ARL8B: variants seen among roughly 807,000 people sequenced by gnomAD.
ARL8B encodes ADP-ribosylation factor-like protein 8B.
A neutral mutation model predicts 30.6 loss-of-function variants in ARL8B; 9 were observed. That is an observed-to-expected ratio of 0.29 (90% CI 0.18 to 0.51). The LOEUF (loss-of-function observed/expected upper bound fraction) is 0.51. Ranked by LOEUF, ARL8B falls within the 20% of genes least tolerant of loss-of-function variation. The pLI, the probability that ARL8B is intolerant of heterozygous loss-of-function variation, is 0.97. For synonymous variants in ARL8B, 74 were observed against 76.0 expected, an observed-to-expected ratio of 0.97 and a Z score of 0.14; for missense variants, 130 against 227.2, an observed-to-expected ratio of 0.57 and a Z score of 2.75.
intron 1 of ARL8B, among the ~76,000 whole-genome samples, chr3:5,152,754 G>T (rs76714729): frequency 0.077 from 11,788 of 152,210 alleles, 707 homozygotes; most frequent in African/African-American, 0.15. Flanking sequence ...TGAAAGTGCT[G>T]GAATTACAGG....
chr3:5,156,016 C>T (rs1198083744), intron 1 of ARL8B, among the ~76,000 whole-genome samples: 1 of 151,956 alleles, frequency 6.6e-6, no homozygotes, highest in Non-Finnish European at 1.5e-5. Context: ...GATTCTTGAG[C>T]CTCAGCACCC....
chr3:5,127,697 C>A (rs2054241836), intron 1 of ARL8B, among the ~76,000 whole-genome samples: 1 of 151,816 alleles, frequency 6.6e-6, no homozygotes. Flanking sequence ...TGCGGTGAAA[C>A]CCCGTCTCTA....
intron 2 of ARL8B, 156 bp downstream of exon 2, chr3:5,170,739 T>G (rs951940381): frequency 1.3e-5 from 6 of 463,804 alleles, no homozygotes; most frequent in African/African-American, 2.2e-5. Flanking sequence ...TGTTTTTTTG[T>G]TTTTTTTTTG....
chr3:5,123,079 G>C (rs1471404881), intron 1 of ARL8B, among the ~76,000 whole-genome samples: 1 of 152,184 alleles, frequency 6.6e-6, no homozygotes, highest in Non-Finnish European at 1.5e-5. Context: ...CGGGAGACCA[G>C]TGTGAGCGCC....
chr3:5,132,261 A>AT (rs972133511), intron 1 of ARL8B, among the ~76,000 whole-genome samples: 127 of 146,136 alleles, frequency 8.7e-4, no homozygotes, highest in Non-Finnish European at 1.5e-3. Context: ...CATCATTATT[A>AT]TTTTTTTTTT....
chr3:5,126,158 G>C (rs1450776536), intron 1 of ARL8B, among the ~76,000 whole-genome samples: 1 of 151,010 alleles, frequency 6.6e-6, no homozygotes, highest in Non-Finnish European at 1.5e-5. Flanking sequence ...CCTAACCCCT[G>C]ATTCTTATAG....
intron 1 of ARL8B, among the ~76,000 whole-genome samples, 187 bp from the exon 2 acceptor site, chr3:5,170,316 T>G (rs2054661441): frequency 6.6e-6 from 1 of 152,242 alleles, no homozygotes; most frequent in East Asian, 1.9e-4. Flanking sequence ...AGAATATATC[T>G]TTGTTGGGAC....
At chr3:5,133,731 C>T (rs962012703) in intron 1 of ARL8B, among the ~76,000 whole-genome samples, 17 of 151,918 alleles carry the variant, frequency 1.1e-4, no homozygotes, top group African/African-American at 4.1e-4. Flanking sequence ...AGTTCAAGGC[C>T]AGCTTAGGCA....
intron 1 of ARL8B, among the ~76,000 whole-genome samples, chr3:5,137,465 TCTCA>T (rs2054337609): frequency 1.4e-5 from 2 of 139,272 alleles, no homozygotes; most frequent in Admixed American, 1.5e-4. Flanking sequence ...TGAGATGGAG[TCTCA>T]CTCTATCACC....
chr3:5,166,604 C>T (rs1242467275), intron 1 of ARL8B, among the ~76,000 whole-genome samples: 2 of 152,164 alleles, frequency 1.3e-5, no homozygotes, highest in Non-Finnish European at 2.9e-5. Flanking sequence ...TCCCAAAGTG[C>T]TGGGATTACA....
chr3:5,134,107 A>AG (rs11445899), intron 1 of ARL8B, among the ~76,000 whole-genome samples: 58,840 of 152,078 alleles, frequency 0.39, 12,106 homozygotes, highest in African/African-American at 0.55. Context: ...CTTCAGGAGT[A>AG]TAAGAGATAC....
intron 2 of ARL8B, among the ~76,000 whole-genome samples, chr3:5,171,567 C>T (rs565099254): frequency 3.3e-5 from 5 of 152,024 alleles, no homozygotes; most frequent in Non-Finnish European, 7.4e-5. Flanking sequence ...AGGCTGGTCT[C>T]GAACTCCTGA....
rs2570009 is a variant in ARL8B, at chr3:5,124,252, A to C, written c.123+1664A>C. The stretch of plus-strand genomic sequence containing the variant: ...AAGAGTGGAATGTGTATCTAATACC[A>C]CTAATTTTTTTTTTTTTTTTTTTTT... On this transcript the variant is annotated intron_variant, in intron 1 of 6. Coordinates refer to ENST00000256496, the MANE Select transcript of ARL8B (RefSeq NM_018184.3). Among the ~76,000 whole-genome samples the C allele has an allele frequency of 1.0e-4, 14 of 137,726 alleles. 1 individual carries two copies. Among genetic ancestry groups the C allele is most frequent in the Middle Eastern group, 7.8e-3 (2 of 258 alleles). The allele number at this position is 137,726 out of a possible 152,430, so 90.4% of individuals were successfully genotyped here. A position where few individuals can be genotyped will look rare whatever the true frequency, so the allele number is the denominator to read the frequency against.
chr3:5,170,715 GGTTTTTTTGTTGTT>G (rs1232850908), intron 2 of ARL8B, 132 bp downstream of exon 2: 5 of 614,378 alleles, frequency 8.1e-6, no homozygotes, highest in African/African-American at 5.8e-5. Flanking sequence ...CAAAAGAATA[GGTTTTTTTGTTGTT>G]GTTTTTTTGT....
rs560625714 is a variant in ARL8B, at chr3:5,124,615, T to TTA, written c.123+2027_123+2028insTA. Among the ~76,000 whole-genome samples the TTA allele has an allele frequency of 3.2e-3, 485 of 152,206 alleles. 2 individuals carry two copies. The highest frequency in any genetic ancestry group is 0.011 in the African/African-American group (458 of 41,528). ...CCAAGTAGCTGGGACTACAGGCATG[T>TTA]GCTACCACCATGGCTCGCTATTTAT... is the stretch of plus-strand genomic sequence containing the variant. On this transcript the variant is annotated intron_variant, in intron 1 of 6. Coordinates refer to ENST00000256496, the MANE Select transcript of ARL8B (RefSeq NM_018184.3).
chr3:5,140,113 A>G (rs1042246509), intron 1 of ARL8B, among the ~76,000 whole-genome samples: 8 of 147,564 alleles, frequency 5.4e-5, no homozygotes, highest in South Asian at 4.2e-4. Flanking sequence ...CACTTTGGGG[A>G]GCGTGTGTGG....
chr3:5,127,690 G>A (rs1416781990), intron 1 of ARL8B, among the ~76,000 whole-genome samples: 1 of 151,822 alleles, frequency 6.6e-6, no homozygotes, highest in Non-Finnish European at 1.5e-5. Context: ...TGGCTAATGC[G>A]GTGAAACCCC....
intron 1 of ARL8B, among the ~76,000 whole-genome samples, chr3:5,132,205 G>T (rs188488560): frequency 2.6e-4 from 40 of 152,092 alleles, no homozygotes; most frequent in Admixed American, 2.6e-3. Flanking sequence ...CATCCTTTCT[G>T]TAGTAGGTAT....
At chr3:5,168,549 A>G (rs2054643353) in intron 1 of ARL8B, among the ~76,000 whole-genome samples, 1 of 152,068 alleles carries the variant, frequency 6.6e-6, no homozygotes, top group South Asian at 2.1e-4. Flanking sequence ...AGATAAATGA[A>G]CCCCTGAGAA....
Sources: allele counts gnomAD v4.1 joint callset (sites outside exome capture counted in the v4.1 genomes callset), GRCh38; gene constraint gnomAD v4.1.1; transcripts MANE v1.5; gene names NCBI Gene and HGNC (gene_info 2026-07-23, HGNC 2026-07-21).